TRIQK: variants seen among roughly 807,000 people sequenced by gnomAD.
The protein encoded by TRIQK is triple QxxK/R motif containing, also known as triple QxxK/R motif-containing protein.
Under a neutral mutation model 10.8 loss-of-function variants are expected in TRIQK, and 10 were observed. The ratio of observed to expected loss-of-function variants is 0.92; its 90% confidence interval spans 0.57 to 1.57. The LOEUF is 1.57. TRIQK is among the 40% of genes most tolerant of loss of function. The probability of loss-of-function intolerance (pLI) is 0.00; values close to 1 mark genes in which losing one functional copy is unlikely to be tolerated. For synonymous variants in TRIQK, 33 were observed against 33.7 expected (o/e 0.98, Z 0.07); for missense variants, 107 against 97.7 (o/e 1.09, Z -0.40).
chr8:93,001,401 C>T (rs189180771), intron 1 of TRIQK, among the ~76,000 whole-genome samples: 3 of 151,296 alleles, frequency 2.0e-5, no homozygotes, highest in East Asian at 1.9e-4. Context: ...TCACTTCATC[C>T]GTAAGGACAC....
In TRIQK at chr8:92,943,133, C is replaced by T. The variant is rs149154233; in HGVS notation, c.-22+11273G>A. On this transcript the variant is annotated intron_variant, in intron 2 of 4. Transcript: ENST00000521988. The stretch of plus-strand genomic sequence containing the variant: ...TTTAACCAAGGAGGTGAAAACTCTC[C>T]GCAGTGAAAACTATTTTTAAAAACT... Among the ~76,000 whole-genome samples, 495 of 150,510 alleles carry T rather than the reference C, an allele frequency of 3.3e-3. 1 individual carries two copies. The highest frequency in any genetic ancestry group is 0.011 in the African/African-American group (453 of 41,094).
At chr8:92,894,342 T>A (rs1460822461) in intron 3 of TRIQK, among the ~76,000 whole-genome samples, 2 of 151,824 alleles carry the variant, frequency 1.3e-5, no homozygotes, top group Admixed American at 1.3e-4. Flanking sequence ...CCCAAAGAGG[T>A]TTTCAACATT....
At chr8:92,955,181 A>C (rs1044514748) in intron 1 of TRIQK, among the ~76,000 whole-genome samples, 5 of 151,850 alleles carry the variant, frequency 3.3e-5, no homozygotes, top group Non-Finnish European at 7.4e-5. Flanking sequence ...TATAAAATTT[A>C]AGTATTTCCA....
chr8:92,995,025 A>T (rs575835498), intron 1 of TRIQK, among the ~76,000 whole-genome samples: 139 of 152,088 alleles, frequency 9.1e-4, no homozygotes, highest in African/African-American at 3.1e-3. Context: ...TTTATTGCTC[A>T]TTGTATTTTT....
At chr8:93,012,845 T>G (rs1367993258) in intron 1 of TRIQK, among the ~76,000 whole-genome samples, 2 of 152,166 alleles carry the variant, frequency 1.3e-5, no homozygotes, top group Admixed American at 6.5e-5. Context: ...CAGCATCGCT[T>G]GAGAATTCAT....
intron 1 of TRIQK, among the ~76,000 whole-genome samples, chr8:92,994,979 A>G (rs932699598): frequency 5.3e-5 from 8 of 152,024 alleles, no homozygotes; most frequent in African/African-American, 1.9e-4. Flanking sequence ...TCACAATATT[A>G]TTAAATATAT....
Position 92,884,098 on chromosome 8 carries a change from G to A in TRIQK, c.*2524C>T, listed in dbSNP as rs989676850. 11 of 151,644 alleles carry A rather than the reference G, an allele frequency of 7.3e-5. No homozygotes were observed. The highest frequency in any genetic ancestry group is 1.5e-4 in the Non-Finnish European group (10 of 67,796). 9.4% of individuals were successfully genotyped at this position (151,644 alleles called of 1,614,324 possible). On this transcript the variant is annotated 3_prime_UTR_variant, in exon 5 of 5. Transcript: ENST00000521988. ...TTAAAAAATCATTACAATTTTTTCT[G>A]TTTTTGTCTTCTAAATTACTCTGAG... is the stretch of plus-strand genomic sequence containing the variant.
chr8:92,997,845 T>C (rs2130754513), intron 1 of TRIQK, among the ~76,000 whole-genome samples: 1 of 152,146 alleles, frequency 6.6e-6, no homozygotes, highest in East Asian at 1.9e-4. Flanking sequence ...ATGTAAAGAA[T>C]TTGAATTTTA....
chr8:92,961,785 A>G (rs923572385), intron 1 of TRIQK, among the ~76,000 whole-genome samples: 3 of 152,206 alleles, frequency 2.0e-5, no homozygotes, highest in African/African-American at 7.2e-5. Flanking sequence ...AAATTGTTCA[A>G]TACAATTGGT....
chr8:92,949,776 GAAAGAAAAA>G (rs1811762928), intron 2 of TRIQK, among the ~76,000 whole-genome samples: 5 of 83,462 alleles, frequency 6.0e-5, no homozygotes, highest in African/African-American at 2.9e-4. Flanking sequence ...GAGAAGGAAA[GAAAGAAAAA>G]GAAAGAAAGA....
intron 3 of TRIQK, among the ~76,000 whole-genome samples, chr8:92,906,521 C>A (rs1019351178): frequency 6.6e-6 from 1 of 151,868 alleles, no homozygotes; most frequent in African/African-American, 2.4e-5. Flanking sequence ...CTACTATGAC[C>A]AACTAGAGAA....
At chr8:92,962,168 T>C (rs761728458) in intron 1 of TRIQK, among the ~76,000 whole-genome samples, 7 of 152,212 alleles carry the variant, frequency 4.6e-5, no homozygotes, top group Non-Finnish European at 1.5e-5. Context: ...ATCTGTTTAA[T>C]AGGAAATTTG....
chr8:92,925,477 T>C (rs138853686), intron 2 of TRIQK, among the ~76,000 whole-genome samples: 32 of 152,236 alleles, frequency 2.1e-4, no homozygotes, highest in African/African-American at 7.2e-4. Flanking sequence ...TCATAACATA[T>C]GTATCTGACA....
intron 2 of TRIQK, among the ~76,000 whole-genome samples, chr8:92,933,512 CT>C (rs2041519636): frequency 6.6e-6 from 1 of 152,074 alleles, no homozygotes; most frequent in African/African-American, 2.4e-5. Context: ...GAAAATGAGA[CT>C]GTGCTTAAAC....
At chr8:92,971,332 A>G (rs1812875536) in intron 1 of TRIQK, among the ~76,000 whole-genome samples, 1 of 152,176 alleles carries the variant, frequency 6.6e-6, no homozygotes. Context: ...AGGGTATTCA[A>G]ATAGGAAGAG....
At chr8:92,900,388 G>A (rs1391211082) in intron 3 of TRIQK, among the ~76,000 whole-genome samples, 1 of 152,018 alleles carries the variant, frequency 6.6e-6, no homozygotes, top group Non-Finnish European at 1.5e-5. Flanking sequence ...TGAGGTTTAA[G>A]TCTAATGCAT....
intron 1 of TRIQK, among the ~76,000 whole-genome samples, chr8:92,961,729 T>C (rs1812466767): frequency 6.6e-6 from 1 of 152,208 alleles, no homozygotes; most frequent in Non-Finnish European, 1.5e-5. Context: ...GTAAAACAAA[T>C]GTTATTTGGA....
chr8:92,946,985 T>C (rs1261525363), intron 2 of TRIQK, among the ~76,000 whole-genome samples: 1 of 151,694 alleles, frequency 6.6e-6, no homozygotes, highest in East Asian at 2.0e-4. Context: ...CAGGATGGTG[T>C]CGATCTCCTG....
At chr8:92,945,009 TA>T (rs953734449) in intron 2 of TRIQK, among the ~76,000 whole-genome samples, 3 of 152,094 alleles carry the variant, frequency 2.0e-5, no homozygotes, top group African/African-American at 7.2e-5. Flanking sequence ...ACAAAGTTAA[TA>T]AAAAAATTAA....
Sources: allele counts gnomAD v4.1 joint callset (sites outside exome capture counted in the v4.1 genomes callset), GRCh38; gene constraint gnomAD v4.1.1; transcripts MANE v1.5; gene names NCBI Gene and HGNC (gene_info 2026-07-23, HGNC 2026-07-21).